HCN1: variants seen among roughly 807,000 people sequenced by gnomAD.
The protein encoded by HCN1 is hyperpolarization activated cyclic nucleotide gated potassium channel 1.
Under a neutral mutation model 78.9 loss-of-function variants are expected in HCN1, and 13 were observed. That is an observed-to-expected ratio of 0.16 (90% CI 0.11 to 0.26). HCN1 has a LOEUF of 0.26. Ranked by LOEUF, HCN1 falls within the 10% of genes least tolerant of loss-of-function variation. HCN1 has a pLI of 1.00. For missense variants in HCN1, 810 were observed against 1,154.3 expected (o/e 0.70, Z 4.32); for synonymous variants, 552 against 455.5 (o/e 1.21, Z -2.70).
chr5:45,628,447 A>C (rs867675566), intron 2 of HCN1, among the ~76,000 whole-genome samples: 5 of 152,182 alleles, frequency 3.3e-5, no homozygotes, highest in South Asian at 2.1e-4. Context: ...ATAGAACAAA[A>C]ACTGCTAAAA....
chr5:45,569,669 T>A (rs559810802), intron 2 of HCN1, among the ~76,000 whole-genome samples: 2 of 152,232 alleles, frequency 1.3e-5, no homozygotes, highest in South Asian at 4.1e-4. Context: ...CCAGTCTTTA[T>A]CTGTTTTTAC....
chr5:45,327,408 T>A (rs1047897813), intron 5 of HCN1, among the ~76,000 whole-genome samples: 1 of 151,814 alleles, frequency 6.6e-6, no homozygotes, highest in East Asian at 1.9e-4. Flanking sequence ...AGAATCCACA[T>A]AAATTAATTT....
In HCN1 at chr5:45,287,510, C is replaced by T. The variant is rs183257379; in HGVS notation, c.1618+16089G>A. Among the ~76,000 whole-genome samples the T allele has an allele frequency of 3.1e-3, 466 of 152,058 alleles. 1 individual carries two copies. The highest frequency in any genetic ancestry group is 9.3e-3 in the African/African-American group (384 of 41,500). On this transcript the variant is annotated intron_variant, in intron 6 of 7. Transcript: ENST00000303230. The stretch of plus-strand genomic sequence containing the variant: ...ATGTAATACATATGGAATTACTTAG[C>T]ACAATGCCTGGCACATTAAGAACTA...
At position 45,262,236 on chromosome 5, in the gene HCN1, G is replaced by A. The variant is rs1561079087; in HGVS notation, c.2358C>T (p.Leu786=). 3 of 1,614,044 alleles carry A rather than the reference G, an allele frequency of 1.9e-6. No homozygotes were observed. Among genetic ancestry groups the A allele is most frequent in the Non-Finnish European group, 1.7e-6 (2 of 1,180,038 alleles). ...GGGGCAGCGAGGGCTGCGAGGCGGAGAGTGGCCTGACTTCCCGGGTCAGGT... is the reference window on the plus strand; with the variant it reads ...GGGGCAGCGAGGGCTGCGAGGCGGAAAGTGGCCTGACTTCCCGGGTCAGGT... ...NTNLTREVRP[L]SASQPSLPHE... is the part of the protein sequence containing the mutation. The change falls in exon 8 of 8, where the codon CTC becomes CTT. Residue 786 remains leucine, a synonymous_variant. Coordinates refer to ENST00000303230, the MANE Select transcript of HCN1 (RefSeq NM_021072.4).
At chr5:45,334,372 C>T (rs927341646) in intron 5 of HCN1, among the ~76,000 whole-genome samples, 1 of 151,760 alleles carries the variant, frequency 6.6e-6, no homozygotes, top group Non-Finnish European at 1.5e-5. Flanking sequence ...TTAGTGCAAA[C>T]TCTTTCCACT....
At position 45,626,958 on chromosome 5, in the gene HCN1, T is replaced by C. The variant is rs368392335; in HGVS notation, c.849+18227A>G. On this transcript the variant is annotated intron_variant, in intron 2 of 7. Coordinates refer to ENST00000303230, the MANE Select transcript of HCN1 (RefSeq NM_021072.4). The stretch of plus-strand genomic sequence containing the variant: ...TATATATACACGCCATATATATATA[T>C]ACACACATGCCATATATATATGTAT... Among the ~76,000 whole-genome samples, 50 of 151,780 alleles carry C rather than the reference T, an allele frequency of 3.3e-4. 1 individual carries two copies. The East Asian group carries it at 7.0e-3, about 21-fold the overall frequency.
intron 1 of HCN1, among the ~76,000 whole-genome samples, chr5:45,663,378 A>C (rs1209802739): frequency 7.2e-6 from 1 of 138,546 alleles, no homozygotes; most frequent in Non-Finnish European, 1.5e-5. Flanking sequence ...AGACATTACC[A>C]TTCAGGACAT....
intron 2 of HCN1, among the ~76,000 whole-genome samples, chr5:45,591,995 A>T (rs944571736): frequency 1.4e-4 from 20 of 146,700 alleles, no homozygotes; most frequent in Admixed American, 2.7e-4. Flanking sequence ...TAGATAGATT[A>T]TTTTTTTTTT....
chr5:45,366,777 T>G (rs1236235396), intron 4 of HCN1, among the ~76,000 whole-genome samples: 1 of 151,758 alleles, frequency 6.6e-6, no homozygotes, highest in Non-Finnish European at 1.5e-5. Context: ...TTTGTATTTG[T>G]TTTTCAAAAG....
chr5:45,314,582 G>C (rs751780537), intron 5 of HCN1, among the ~76,000 whole-genome samples: 26 of 152,078 alleles, frequency 1.7e-4, no homozygotes, highest in Non-Finnish European at 3.5e-4. Context: ...TGGATAAAAA[G>C]TCAAGACCCA....
intron 6 of HCN1, among the ~76,000 whole-genome samples, chr5:45,288,393 C>A (rs1390271116): frequency 2.0e-5 from 3 of 151,860 alleles, no homozygotes; most frequent in Non-Finnish European, 4.4e-5. Context: ...TGTTTCATGC[C>A]AAACAACCTG....
chr5:45,537,686 C>T lies in HCN1; in HGVS notation c.850-75679G>A, dbSNP rs934623186. Among the ~76,000 whole-genome samples, 5 of 151,648 alleles carry T rather than the reference C, an allele frequency of 3.3e-5. No homozygotes were observed. In the East Asian group the frequency reaches 5.8e-4, roughly 18 times the overall value. ...CCGAGTAGCTGGAGTTACAGGCACC[C>T]GCCACCATGCCTGGCTAATTTTTGT... is the stretch of plus-strand genomic sequence containing the variant. On this transcript the variant is annotated intron_variant, in intron 2 of 7. Coordinates refer to ENST00000303230, the MANE Select transcript of HCN1 (RefSeq NM_021072.4).
chr5:45,384,535 C>A (rs1747876072), intron 4 of HCN1, among the ~76,000 whole-genome samples: 1 of 152,096 alleles, frequency 6.6e-6, no homozygotes, highest in African/African-American at 2.4e-5. Context: ...GCTCACTTAA[C>A]ATTCTTGTTT....
chr5:45,356,421 A>G (rs1747008241), intron 4 of HCN1, among the ~76,000 whole-genome samples: 1 of 151,952 alleles, frequency 6.6e-6, no homozygotes, highest in South Asian at 2.1e-4. Flanking sequence ...TAAAAATGAG[A>G]TCTAACAAGA....
At chr5:45,635,852 T>C (rs1021310988) in intron 2 of HCN1, among the ~76,000 whole-genome samples, 4 of 152,172 alleles carry the variant, frequency 2.6e-5, no homozygotes, top group East Asian at 1.9e-4. Flanking sequence ...TCTGTGACAA[T>C]TGGTGATATA....
chr5:45,422,133 A>G (rs1266487154), intron 3 of HCN1, among the ~76,000 whole-genome samples: 2 of 152,190 alleles, frequency 1.3e-5, no homozygotes, highest in African/African-American at 2.4e-5. Context: ...CAGAGATGAC[A>G]ACAAGAATCT....
At chr5:45,314,157 C>T (rs1042033709) in intron 5 of HCN1, among the ~76,000 whole-genome samples, 7 of 152,088 alleles carry the variant, frequency 4.6e-5, no homozygotes, top group African/African-American at 1.4e-4. Context: ...AGACTAACAG[C>T]GAATCTCTCG....
At chr5:45,510,013 A>G (rs1742380138) in intron 2 of HCN1, among the ~76,000 whole-genome samples, 1 of 152,146 alleles carries the variant, frequency 6.6e-6, no homozygotes, top group Non-Finnish European at 1.5e-5. Flanking sequence ...TCATCCATGT[A>G]AATTAACAAA....
At chr5:45,323,864 A>G (rs1161765179) in intron 5 of HCN1, among the ~76,000 whole-genome samples, 1 of 151,936 alleles carries the variant, frequency 6.6e-6, no homozygotes, top group Non-Finnish European at 1.5e-5. Context: ...TTCCAGCTTC[A>G]TCCATGTCCC....
Sources: allele counts gnomAD v4.1 joint callset (sites outside exome capture counted in the v4.1 genomes callset), GRCh38; gene constraint gnomAD v4.1.1; transcripts MANE v1.5; gene names NCBI Gene and HGNC (gene_info 2026-07-23, HGNC 2026-07-21).